Variants in SYN3 observed in about 807,000 individuals in gnomAD.
SYN3 encodes synapsin III.
SYN3 carries 35 observed loss-of-function variants against 65.8 expected under a neutral mutation model. That is an observed-to-expected ratio of 0.53 (90% confidence interval 0.41 to 0.70). SYN3 has a LOEUF of 0.70. SYN3 is among the 30% of genes least tolerant of loss of function. The pLI is 0.00. For synonymous variants in SYN3, 270 were observed against 292.9 expected (o/e 0.92, Z 0.80); for missense variants, 680 against 749.0 (o/e 0.91, Z 1.08).
intron 6 of SYN3, among the ~76,000 whole-genome samples, chr22:32,606,539 A>C (rs2059374665): frequency 6.6e-6 from 1 of 152,184 alleles, no homozygotes; most frequent in Non-Finnish European, 1.5e-5. Flanking sequence ...AGAGGAGTGA[A>C]ATGTGGAAAC....
At chr22:32,607,964 CT>C (rs1424006292) in intron 6 of SYN3, among the ~76,000 whole-genome samples, 3 of 152,218 alleles carry the variant, frequency 2.0e-5, no homozygotes, top group Non-Finnish European at 4.4e-5. Context: ...ATCACAGACC[CT>C]CTGGGCTTGT....
chr22:32,607,650 A>G (rs2146664385), intron 6 of SYN3, among the ~76,000 whole-genome samples: 1 of 152,296 alleles, frequency 6.6e-6, no homozygotes, highest in Non-Finnish European at 1.5e-5. Flanking sequence ...GAAAAATGAA[A>G]CGAAATCTGC....
intron 4 of SYN3, among the ~76,000 whole-genome samples, chr22:32,891,111 C>T (rs1206500956): frequency 6.6e-6 from 1 of 152,162 alleles, no homozygotes; most frequent in Non-Finnish European, 1.5e-5. Flanking sequence ...CAGGGCCCTG[C>T]TCCAGTTTCT....
intron 6 of SYN3, among the ~76,000 whole-genome samples, chr22:32,769,903 T>C (rs2045724503): frequency 6.6e-6 from 1 of 152,226 alleles, no homozygotes; most frequent in Non-Finnish European, 1.5e-5. Context: ...TTCAGTCTCA[T>C]GACTAAATAT....
chr22:33,052,512 A>G (rs1362065570), intron 1 of SYN3, among the ~76,000 whole-genome samples: 1 of 151,302 alleles, frequency 6.6e-6, no homozygotes, highest in African/African-American at 2.4e-5. Flanking sequence ...GAGAGTGTGG[A>G]TGTTTGTTGG....
chr22:32,821,060 A>G (rs1247630994), intron 6 of SYN3, among the ~76,000 whole-genome samples: 1 of 152,104 alleles, frequency 6.6e-6, no homozygotes, highest in Non-Finnish European at 1.5e-5. Context: ...ATTTTTGAGC[A>G]TAAAGAATAC....
intron 4 of SYN3, among the ~76,000 whole-genome samples, chr22:32,877,669 T>C (rs2049019028): frequency 6.6e-6 from 1 of 152,136 alleles, no homozygotes; most frequent in South Asian, 2.1e-4. Flanking sequence ...TTGTCCTCTG[T>C]GGCTTCTGTG....
At chr22:32,542,282 C>T (rs2058268594) in intron 7 of SYN3, among the ~76,000 whole-genome samples, 2 of 152,004 alleles carry the variant, frequency 1.3e-5, no homozygotes, top group Admixed American at 6.6e-5. Flanking sequence ...ACAGAGGGGC[C>T]ATTAGGAAGA....
intron 4 of SYN3, among the ~76,000 whole-genome samples, chr22:32,900,422 A>C (rs537018898): frequency 6.6e-6 from 1 of 152,258 alleles, no homozygotes; most frequent in East Asian, 1.9e-4. Context: ...CCCATTGTAA[A>C]TGTTATGGTC....
intron 7 of SYN3, among the ~76,000 whole-genome samples, chr22:32,567,320 T>TCCTCCCTACCTC (rs1240793401): frequency 0.016 from 1,908 of 121,568 alleles, 70 homozygotes; most frequent in South Asian, 0.086. Flanking sequence ...ATGACGGAGA[T>TCCTCCCTACCTC]CCTCCCTCCC....
Position 32,623,245 on chromosome 22 carries a change from G to A in SYN3, c.712-26509C>T, listed in dbSNP as rs138941853. Among the ~76,000 whole-genome samples the A allele has an allele frequency of 8.8e-3, 1,333 of 151,866 alleles. 16 individuals are homozygous for A. Among genetic ancestry groups the A allele is most frequent in the African/African-American group, 0.031 (1,290 of 41,398 alleles). On this transcript the variant is annotated intron_variant, in intron 6 of 13. Transcript: ENST00000358763. ...TCTGTTGTTCAGGCTGGACAGCTGGGGCATGATCATTACTCACTTCAGTCT... is the reference window on the plus strand; with the variant it reads ...TCTGTTGTTCAGGCTGGACAGCTGGAGCATGATCATTACTCACTTCAGTCT...
intron 6 of SYN3, among the ~76,000 whole-genome samples, chr22:32,783,789 A>C (rs1470467222): frequency 6.6e-6 from 1 of 152,154 alleles, no homozygotes; most frequent in African/African-American, 2.4e-5. Context: ...TTTTGGGGGA[A>C]ACTAAACAAA....
At chr22:32,899,124 C>CAAAACAAAACAAAACAAT (rs1491045988) in intron 4 of SYN3, among the ~76,000 whole-genome samples, 1 of 4,212 alleles carries the variant, frequency 2.4e-4, no homozygotes, top group East Asian at 0.014. Flanking sequence ...AACAAAACAA[C>CAAAACAAAACAAAACAAT]GAAAAAAATG....
intron 2 of SYN3, among the ~76,000 whole-genome samples, chr22:32,989,869 A>C (rs2052644829): frequency 2.1e-5 from 3 of 144,040 alleles, no homozygotes; most frequent in East Asian, 2.1e-4. Flanking sequence ...TCAAACACCC[A>C]CTCCCTCTAC....
At position 32,932,426 on chromosome 22, in the gene SYN3, G is replaced by A. The variant is rs374226234; in HGVS notation, c.370-945C>T. Among the ~76,000 whole-genome samples the A allele has an allele frequency of 2.2e-4, 34 of 152,268 alleles. No homozygotes were observed. In the East Asian group the frequency reaches 3.9e-3, roughly 17 times the overall value. On this transcript the variant is annotated intron_variant, in intron 3 of 13. Coordinates refer to ENST00000358763, the MANE Select transcript of SYN3 (RefSeq NM_003490.4). Reference sequence around the variant, plus strand: ...TTCCCTGAGAGTTTGAAACTGATGAGTGAGTCATGCAGTTTCTTTCTAGGT... The same window carrying A: ...TTCCCTGAGAGTTTGAAACTGATGAATGAGTCATGCAGTTTCTTTCTAGGT...
At chr22:32,566,412 C>A (rs2146386936) in intron 7 of SYN3, among the ~76,000 whole-genome samples, 1 of 152,116 alleles carries the variant, frequency 6.6e-6, no homozygotes, top group Non-Finnish European at 1.5e-5. Context: ...AACCGTAGGG[C>A]ACATGGATGC....
chr22:32,515,956 G>T (rs562461787), intron 13 of SYN3, among the ~76,000 whole-genome samples: 1 of 152,066 alleles, frequency 6.6e-6, no homozygotes, highest in Non-Finnish European at 1.5e-5. Context: ...ACGCTGCCGC[G>T]CCTGGCTAAT....
At chr22:32,753,495 G>A (rs73156464) in intron 6 of SYN3, among the ~76,000 whole-genome samples, 3,424 of 152,264 alleles carry the variant, frequency 0.022, 52 homozygotes, top group Middle Eastern at 0.034. Context: ...AGACTCCCCA[G>A]CAGGGGCCTA....
chr22:32,582,300 T>G (rs950983708), intron 7 of SYN3, among the ~76,000 whole-genome samples: 2 of 151,942 alleles, frequency 1.3e-5, no homozygotes, highest in African/African-American at 4.8e-5. Context: ...CCTGTGCATT[T>G]TGTTAAAATG....
Sources: gnomAD v4.1 joint callset for allele counts (sites outside exome capture counted in the v4.1 genomes callset) on GRCh38, gnomAD v4.1.1 for gene constraint, MANE v1.5 for transcripts, NCBI Gene and HGNC (gene_info 2026-07-23, HGNC 2026-07-21) for gene names.